Variants in ZEB1 observed in about 807,000 individuals in gnomAD.
ZEB1 encodes the protein zinc finger E-box-binding homeobox 1.
Under a neutral mutation model 84.9 loss-of-function variants are expected in ZEB1, and 21 were observed. The observed-to-expected ratio is 0.25, with a 90% CI of 0.18 to 0.36. ZEB1 has a LOEUF of 0.36. Ranked by LOEUF, ZEB1 falls within the 10% of genes least tolerant of loss-of-function variation. ZEB1 has a pLI of 1.00. For synonymous variants in ZEB1, 420 were observed against 471.1 expected, an observed-to-expected ratio of 0.89 and a Z score of 1.41; for missense variants, 1,104 against 1,330.2, an observed-to-expected ratio of 0.83 and a Z score of 2.65.
At chr10:31,452,742 T>TGAGAGAGAGAGAGAGAGAGAGA (rs35403055) in intron 1 of ZEB1, among the ~76,000 whole-genome samples, 1 of 90,736 alleles carries the variant, frequency 1.1e-5, no homozygotes, top group African/African-American at 5.1e-5. Flanking sequence ...TGTGTGTGTG[T>TGAGAGAGAGAGAGAGAGAGAGA]GAGAGAGAGA....
intron 1 of ZEB1, among the ~76,000 whole-genome samples, chr10:31,349,604 A>G (rs554115435): frequency 6.6e-6 from 1 of 152,300 alleles, no homozygotes; most frequent in East Asian, 1.9e-4. Flanking sequence ...CTTTTTGATA[A>G]TCACCATTCT....
chr10:31,490,993 A>T (rs1284247158), intron 2 of ZEB1, among the ~76,000 whole-genome samples: 1 of 151,740 alleles, frequency 6.6e-6, no homozygotes, highest in Non-Finnish European at 1.5e-5. Context: ...CCAGGGTCCA[A>T]TCTAGAACAT....
rs2073669156 is a variant in ZEB1 at position 31,527,215 on chromosome 10, T to C, written c.3329T>C (p.Val1110Ala). ...CAAGCAAGCAGCTTAGGACAAAAAG[T>C]AGGCGAGAGTAGTGAGCAAGTGTCT... ...ESQASSLGQK[V>A]GESSEQVSEE... Residue 1110 changes from valine to alanine, a missense_variant, in exon 9 of 9, where the codon GTA becomes GCA. Val to Ala is a moderately conservative substitution (Grantham distance 64, BLOSUM62 0). Coordinates refer to ENST00000424869, the MANE Select transcript of ZEB1 (RefSeq NM_001174096.2). The C allele has an allele frequency of 6.2e-7, 1 of 1,610,696 alleles. No homozygotes were observed. Among genetic ancestry groups the C allele is most frequent in the Non-Finnish European group, 8.5e-7 (1 of 1,178,712 alleles).
At chr10:31,416,192 T>G (rs2055182553) in intron 1 of ZEB1, among the ~76,000 whole-genome samples, 1 of 152,110 alleles carries the variant, frequency 6.6e-6, no homozygotes, top group South Asian at 2.1e-4. Context: ...TGACTATTTT[T>G]GGTGTTCTTG....
chr10:31,493,211 C>T (rs2066792567), intron 2 of ZEB1, among the ~76,000 whole-genome samples: 1 of 151,944 alleles, frequency 6.6e-6, no homozygotes, highest in African/African-American at 2.4e-5. Flanking sequence ...TGAAATCATA[C>T]AGTATGTAAC....
intron 1 of ZEB1, among the ~76,000 whole-genome samples, chr10:31,370,896 T>G (rs1290358292): frequency 2.0e-5 from 3 of 152,104 alleles, no homozygotes; most frequent in African/African-American, 7.2e-5. Context: ...TTAAAAAAAT[T>G]TTTGCGGAGA....
intron 6 of ZEB1, among the ~76,000 whole-genome samples, chr10:31,519,553 A>G (rs2071859178): frequency 6.6e-6 from 1 of 152,230 alleles, no homozygotes; most frequent in Non-Finnish European, 1.5e-5. Flanking sequence ...GGGAGTATAT[A>G]CATTTCAGTT....
At chr10:31,452,744 A>T (rs10763866) in intron 1 of ZEB1, among the ~76,000 whole-genome samples, 9,641 of 40,968 alleles carry the variant, frequency 0.24, 326 homozygotes, top group East Asian at 0.42. Context: ...TGTGTGTGTG[A>T]GAGAGAGAGA....
chr10:31,459,292 T>C (rs759260342), intron 1 of ZEB1, among the ~76,000 whole-genome samples: 1 of 152,128 alleles, frequency 6.6e-6, no homozygotes, highest in Non-Finnish European at 1.5e-5. Flanking sequence ...ATCATGTGTA[T>C]TTTGAATTAT....
At position 31,345,060 on chromosome 10, in the gene ZEB1, A is replaced by C. The variant is rs570748021; in HGVS notation, c.58+25768A>C. ...TGTTTGACTGGAAGTTTTCTACTGG[A>C]AGAATTAGTTTGGATTTTACAATTT... On this transcript the variant is annotated intron_variant, in intron 1 of 8. Coordinates refer to ENST00000424869, the MANE Select transcript of ZEB1 (RefSeq NM_001174096.2). Among the ~76,000 whole-genome samples, 16 of 152,288 alleles carry C rather than the reference A, an allele frequency of 1.1e-4. No homozygotes were observed. The East Asian group carries it at 1.7e-3, about 17-fold the overall frequency.
At chr10:31,504,952 A>G (rs976731373) in intron 4 of ZEB1, among the ~76,000 whole-genome samples, 7 of 152,084 alleles carry the variant, frequency 4.6e-5, no homozygotes, top group Non-Finnish European at 8.8e-5. Flanking sequence ...CTCTTGCCCA[A>G]TTGCTCTGGC....
chr10:31,475,176 A>G (rs2063926612), intron 2 of ZEB1, among the ~76,000 whole-genome samples: 2 of 152,142 alleles, frequency 1.3e-5, no homozygotes, highest in South Asian at 2.1e-4. Flanking sequence ...TAACCTGCAC[A>G]ATGTGCACAT....
At chr10:31,351,109 C>A (rs531344723) in intron 1 of ZEB1, among the ~76,000 whole-genome samples, 6 of 152,264 alleles carry the variant, frequency 3.9e-5, no homozygotes, top group African/African-American at 1.2e-4. Flanking sequence ...GGCATAGTTT[C>A]AACCTCAGTG....
intron 1 of ZEB1, among the ~76,000 whole-genome samples, chr10:31,427,587 TC>T (rs1289536944): frequency 1.3e-5 from 2 of 152,086 alleles, no homozygotes; most frequent in Non-Finnish European, 2.9e-5. Context: ...GCGCGGTGGC[TC>T]AACGCCTGTA....
Position 31,449,575 on chromosome 10 carries a change from A to G in ZEB1, c.59-11462A>G, listed in dbSNP as rs188631478. ...TTTTCCAAATGATTTTTATTAAATAATGCATTTTCCCCCCACTAATTTGCA... is the reference window on the plus strand; with the variant it reads ...TTTTCCAAATGATTTTTATTAAATAGTGCATTTTCCCCCCACTAATTTGCA... On this transcript the variant is annotated intron_variant, in intron 1 of 8. Transcript: ENST00000424869. Among the ~76,000 whole-genome samples, 3 of 152,270 alleles carry G rather than the reference A, an allele frequency of 2.0e-5. No homozygotes were observed. In the East Asian group the frequency reaches 5.8e-4, roughly 29 times the overall value.
Position 31,510,890 on chromosome 10 carries a change from T to TGA in ZEB1, c.687+19_687+20dup. 6.2e-7 allele frequency: 1 copy of TGA among 1,612,448 alleles called. No individual in the cohort carries two copies. ...GAAGAGATCAAGTAAGTGCAATGACTGAGAGTTCACTAACTTTCCAGATTT... is the reference window on the plus strand; with the variant it reads ...GAAGAGATCAAGTAAGTGCAATGACTGAGAGAGTTCACTAACTTTCCAGATTT... On this transcript the variant is annotated intron_variant, in intron 5 of 8. Transcript: ENST00000424869.
intron 1 of ZEB1, among the ~76,000 whole-genome samples, chr10:31,410,818 G>T (rs1002705950): frequency 6.6e-6 from 1 of 152,076 alleles, no homozygotes; most frequent in Non-Finnish European, 1.5e-5. Flanking sequence ...ATTCTCTGAT[G>T]GTAGTTTGTA....
chr10:31,342,865 A>G (rs989240807), intron 1 of ZEB1, among the ~76,000 whole-genome samples: 1 of 152,160 alleles, frequency 6.6e-6, no homozygotes, highest in African/African-American at 2.4e-5. Context: ...TTTACCTGAC[A>G]TGCCAGCTCT....
At chr10:31,464,338 G>A (rs2062140133) in intron 2 of ZEB1, among the ~76,000 whole-genome samples, 1 of 151,908 alleles carries the variant, frequency 6.6e-6, no homozygotes, top group Non-Finnish European at 1.5e-5. Context: ...GGGCGACAGA[G>A]TAAGACTCTA....
Sources: gnomAD v4.1 joint callset for allele counts (sites outside exome capture counted in the v4.1 genomes callset) on GRCh38, gnomAD v4.1.1 for gene constraint, MANE v1.5 for transcripts, NCBI Gene and HGNC (gene_info 2026-07-23, HGNC 2026-07-21) for gene names.